SEM1: variants seen among roughly 807,000 people sequenced by gnomAD.
SEM1 encodes SEM1 26S proteasome subunit, also known as 26S proteasome complex subunit SEM1.
Under a neutral mutation model 12.7 loss-of-function variants are expected in SEM1, and 3 were observed. The observed-to-expected ratio is 0.24, with a 90% CI of 0.11 to 0.61. SEM1 has a LOEUF of 0.61. SEM1 is among the 20% of genes least tolerant of loss of function. SEM1 has a pLI of 0.88. For missense variants in SEM1, 59 were observed against 81.3 expected (o/e 0.73, Z 1.06); for synonymous variants, 30 against 27.8 (o/e 1.08, Z -0.25).
intron 2 of SEM1, chr7:96,622,792 C>A: frequency 1.7e-6 from 1 of 584,408 alleles, no homozygotes; most frequent in South Asian, 2.2e-5. Context: ...ATGCAACTGT[C>A]TAGAAATGTG....
intron 2 of SEM1, among the ~76,000 whole-genome samples, chr7:96,538,622 C>T (rs143890979): frequency 1.6e-4 from 24 of 151,828 alleles, no homozygotes; most frequent in African/African-American, 5.3e-4. Flanking sequence ...ATACTGAAGC[C>T]CTGTTAATGT....
At chr7:96,504,081 G>A (rs1197696731) in intron 3 of SEM1, among the ~76,000 whole-genome samples, 2 of 152,110 alleles carry the variant, frequency 1.3e-5, no homozygotes, top group East Asian at 3.9e-4. Context: ...ATGAAGCTTT[G>A]CACTTTCTTT....
At chr7:96,692,144 T>C (rs189588527) in intron 2 of SEM1, among the ~76,000 whole-genome samples, 4 of 152,306 alleles carry the variant, frequency 2.6e-5, no homozygotes, top group Admixed American at 1.3e-4. Context: ...TATATAATGT[T>C]CTATTTCTAA....
chr7:96,596,587 G>A (rs1807005241), intron 2 of SEM1, among the ~76,000 whole-genome samples: 1 of 152,106 alleles, frequency 6.6e-6, no homozygotes, highest in Admixed American at 6.6e-5. Context: ...AATTAAAAGT[G>A]GTTACCCGAC....
At chr7:96,550,126 G>C (rs1805221988) in intron 2 of SEM1, among the ~76,000 whole-genome samples, 1 of 97,836 alleles carries the variant, frequency 1.0e-5, no homozygotes, top group African/African-American at 3.0e-5. Context: ...AGATAGTATA[G>C]AAAGTTTGAG....
At chr7:96,708,468 TGA>T in intron 1 of SEM1, among the ~76,000 whole-genome samples, 1 of 152,234 alleles carries the variant, frequency 6.6e-6, no homozygotes, top group African/African-American at 2.4e-5. Context: ...ACAATTTTAG[TGA>T]AGTAGTAATT....
intron 2 of SEM1, chr7:96,558,180 A>T (rs980565228): frequency 1.3e-5 from 2 of 153,800 alleles, no homozygotes; most frequent in African/African-American, 4.8e-5. Context: ...TGTAGACTGG[A>T]GCTGTTCCTA....
intron 2 of SEM1, among the ~76,000 whole-genome samples, chr7:96,625,748 G>A (rs1808041311): frequency 6.6e-6 from 1 of 152,294 alleles, no homozygotes; most frequent in South Asian, 2.1e-4. Flanking sequence ...CAGGAGTGTA[G>A]AACAGCAGTT....
chr7:96,698,594 C>A (rs997902284), intron 1 of SEM1, among the ~76,000 whole-genome samples: 1 of 152,152 alleles, frequency 6.6e-6, no homozygotes, highest in Non-Finnish European at 1.5e-5. Context: ...AGGACAAGAA[C>A]CCATCCTTTT....
chr7:96,692,456 T>C (rs777563237), intron 2 of SEM1, among the ~76,000 whole-genome samples: 3 of 152,076 alleles, frequency 2.0e-5, no homozygotes, highest in Admixed American at 6.6e-5. Context: ...TGAAAATAAA[T>C]AGTCTAATAG....
intron 2 of SEM1, among the ~76,000 whole-genome samples, chr7:96,594,068 G>A (rs559170650): frequency 6.6e-6 from 1 of 152,228 alleles, no homozygotes; most frequent in Non-Finnish European, 1.5e-5. Flanking sequence ...ATGTAGATAT[G>A]TAATAAGGCA....
chr7:96,607,319 A>C (rs943619160), intron 2 of SEM1, among the ~76,000 whole-genome samples: 4 of 152,230 alleles, frequency 2.6e-5, no homozygotes, highest in African/African-American at 9.6e-5. Context: ...TTAGTTCTTC[A>C]GTGATAACAT....
rs1475141851 is a variant in SEM1, at chr7:96,557,502, C to T, written c.171-50804G>A. 5.0e-4 allele frequency among the ~76,000 whole-genome samples: 47 copies of T among 94,344 alleles called. 1 individual carries two copies. The highest frequency in any genetic ancestry group is 4.8e-3 in the Middle Eastern group (1 of 210). The allele number at this position is 94,344 out of a possible 152,430, so 61.9% of individuals were successfully genotyped here. Reference sequence around the variant, plus strand: ...GGGGGTGCCTCCCAGTTAGGCTGCTCGGGGGTCAGGGGTCAGGGACCCACT... The same window carrying T: ...GGGGGTGCCTCCCAGTTAGGCTGCTTGGGGGTCAGGGGTCAGGGACCCACT... On this transcript the variant is annotated intron_variant and NMD_transcript_variant, in intron 2 of 3. Coordinates refer to the SEM1 transcript ENST00000466986.
At position 96,622,933 on chromosome 7, in the gene SEM1, T is replaced by C. The variant is rs1807941527; in HGVS notation, c.171-290A>G. On this transcript the variant is annotated intron_variant, in intron 2 of 2. Coordinates refer to the SEM1 transcript ENST00000417009. ...GTGCCAGTCTTGACATCTGTGATGG[T>C]TAATTTTATTTCAATTCACCTGAGT... 1.8e-5 allele frequency: 6 copies of C among 341,372 alleles called. No individual in the cohort carries two copies. In the East Asian group the frequency reaches 2.8e-4, roughly 16 times the overall value. The allele number at this position is 341,372 out of a possible 1,614,324, so 21.1% of individuals were successfully genotyped here.
chr7:96,645,730 AG>A, intron 2 of SEM1: 1 of 398,230 alleles, frequency 2.5e-6, no homozygotes, highest in Non-Finnish European at 4.4e-6. Flanking sequence ...GTACCTTCTC[AG>A]CTGTAACTTT....
At chr7:96,673,686 T>C in exon 3 of SEM1, 1 of 746,474 alleles carries the variant, frequency 1.3e-6, no homozygotes. Flanking sequence ...TGCTCAATAA[T>C]AGCTCTCCAA....
intron 2 of SEM1, among the ~76,000 whole-genome samples, chr7:96,666,051 G>A (rs1789161857): frequency 1.3e-5 from 2 of 152,226 alleles, no homozygotes; most frequent in South Asian, 2.1e-4. Context: ...CTGTCATTGT[G>A]AGGAAGGGTG....
rs184316117 is a variant in SEM1, at chr7:96,580,509, G to A, written c.171-73811C>T. 2.6e-5 allele frequency among the ~76,000 whole-genome samples: 4 copies of A among 151,918 alleles called. No homozygotes were observed. In the East Asian group the frequency reaches 7.8e-4, roughly 30 times the overall value. The stretch of plus-strand genomic sequence containing the variant: ...CAGTAATGGGATGGCTGGGTCAAAT[G>A]GTATTTCCAGTTCTAGATCCCTGAG... On this transcript the variant is annotated intron_variant and NMD_transcript_variant, in intron 2 of 3. Coordinates refer to the SEM1 transcript ENST00000466986.
At chr7:96,673,958 T>C (rs1022049018) in intron 2 of SEM1, 18 of 689,560 alleles carry the variant, frequency 2.6e-5, no homozygotes, top group East Asian at 5.3e-5. Flanking sequence ...TCCTGAAAAA[T>C]GTACACCCCT....
Sources: gnomAD v4.1 joint callset for allele counts (sites outside exome capture counted in the v4.1 genomes callset) on GRCh38, gnomAD v4.1.1 for gene constraint, MANE v1.5 for transcripts, NCBI Gene and HGNC (gene_info 2026-07-23, HGNC 2026-07-21) for gene names.